The following SLCO3A1 variants were observed in gnomAD, a reference collection of about 807,000 sequenced individuals.
The protein encoded by SLCO3A1 is PGE1 transporter.
In SLCO3A1, 27 loss-of-function variants were observed where a neutral mutation model predicts 63.1. That is an observed-to-expected ratio of 0.43 (90% CI 0.32 to 0.59). The LOEUF (loss-of-function observed/expected upper bound fraction) is 0.59. Among genes scored for constraint, SLCO3A1 ranks in the 20% least tolerant of loss-of-function variants. The pLI is 0.09. For synonymous variants in SLCO3A1, 473 were observed against 409.9 expected (o/e 1.15, Z -1.86); for missense variants, 773 against 945.8 (o/e 0.82, Z 2.40).
intron 2 of SLCO3A1, among the ~76,000 whole-genome samples, chr15:92,078,548 G>C (rs935198613): frequency 2.6e-5 from 4 of 152,198 alleles, no homozygotes; most frequent in Non-Finnish European, 4.4e-5. Flanking sequence ...TCCGTCTACT[G>C]TCTGCCTCAC....
At chr15:91,880,801 A>C (rs7182534) in intron 1 of SLCO3A1, among the ~76,000 whole-genome samples, 25,510 of 152,080 alleles carry the variant, frequency 0.17, 5,387 homozygotes, top group African/African-American at 0.49. Context: ...ATTTAAACAG[A>C]AGTATCTGGG....
chr15:91,920,486 G>T (rs1898806882), intron 2 of SLCO3A1, among the ~76,000 whole-genome samples: 1 of 152,186 alleles, frequency 6.6e-6, no homozygotes, highest in South Asian at 2.1e-4. Context: ...AGAGAGGAAG[G>T]TGGTCCTAGC....
Position 91,992,789 on chromosome 15 carries a change from G to A in SLCO3A1, c.646+76331G>A, listed in dbSNP as rs114014316. ...ACCATTAGTGCTCTCCAGGAGCCAA[G>A]GGTCCCAACTCTGGTGAGTTAAGGC... On this transcript the variant is annotated intron_variant, in intron 2 of 9. Coordinates refer to ENST00000318445, the MANE Select transcript of SLCO3A1 (RefSeq NM_013272.4). 5.3e-3 allele frequency among the ~76,000 whole-genome samples: 813 copies of A among 152,284 alleles called. 7 individuals carry two copies. The highest frequency in any genetic ancestry group is 0.019 in the African/African-American group (775 of 41,542).
chr15:92,065,101 C>T (rs2047134198), intron 2 of SLCO3A1, among the ~76,000 whole-genome samples: 1 of 116,184 alleles, frequency 8.6e-6, no homozygotes, highest in South Asian at 3.0e-4. Context: ...TTTGTTTTTG[C>T]AGATAGAGTC....
At chr15:92,019,938 A>G (rs541344904) in intron 2 of SLCO3A1, among the ~76,000 whole-genome samples, 9 of 152,250 alleles carry the variant, frequency 5.9e-5, no homozygotes, top group African/African-American at 2.2e-4. Context: ...ATGTCAGGGC[A>G]GTGAGGACTG....
chr15:91,926,018 T>C (rs987306573), intron 2 of SLCO3A1, among the ~76,000 whole-genome samples: 3 of 152,190 alleles, frequency 2.0e-5, no homozygotes, highest in Non-Finnish European at 2.9e-5. Context: ...CATCTTTGAA[T>C]AGGGATAGAG....
rs1026736446 is a variant in SLCO3A1, at chr15:92,021,925, A to G, written c.647-72956A>G. Among the ~76,000 whole-genome samples, 3 of 152,144 alleles carry G rather than the reference A, an allele frequency of 2.0e-5. No homozygotes were observed. In the East Asian group the frequency reaches 5.8e-4, roughly 29 times the overall value. The stretch of plus-strand genomic sequence containing the variant: ...AATACAGTGGCAGCCCTGGTTTCAG[A>G]AAGCAAAGGCCAAAGCTGACTTGTG... On this transcript the variant is annotated intron_variant, in intron 2 of 9. Transcript: ENST00000318445.
chr15:92,119,499 G>A (rs1296112824), intron 4 of SLCO3A1, among the ~76,000 whole-genome samples: 2 of 152,166 alleles, frequency 1.3e-5, no homozygotes. Flanking sequence ...TAGACTGGGT[G>A]ATGAGAAGAG....
chr15:92,127,341 T>C (rs1480182916), intron 6 of SLCO3A1, among the ~76,000 whole-genome samples: 1 of 145,416 alleles, frequency 6.9e-6, no homozygotes, highest in Non-Finnish European at 1.5e-5. Context: ...TATTCTTCCA[T>C]GAAAAAGAAA....
Position 91,992,553 on chromosome 15 carries a change from G to A in SLCO3A1, c.646+76095G>A, listed in dbSNP as rs545454901. On this transcript the variant is annotated intron_variant, in intron 2 of 9. Transcript: ENST00000318445. The stretch of plus-strand genomic sequence containing the variant: ...TTCTAAACCATGTTAGCATCTCCCC[G>A]TAGTAAGATGTCAACCATCTGGCAT... Among the ~76,000 whole-genome samples the A allele has an allele frequency of 2.2e-3, 331 of 152,236 alleles. 1 individual carries two copies. Among genetic ancestry groups the A allele is most frequent in the Non-Finnish European group, 2.9e-3 (198 of 68,008 alleles).
At chr15:92,053,582 G>A (rs12440470) in intron 2 of SLCO3A1, among the ~76,000 whole-genome samples, 1 of 151,962 alleles carries the variant, frequency 6.6e-6, no homozygotes, top group Non-Finnish European at 1.5e-5. Context: ...GTGACAGCTC[G>A]TCAGACTTTT....
intron 9 of SLCO3A1, among the ~76,000 whole-genome samples, chr15:92,152,117 T>C (rs1295753031): frequency 6.6e-6 from 1 of 152,274 alleles, no homozygotes; most frequent in East Asian, 1.9e-4. Context: ...GAGTATCAGC[T>C]ATTATCTTTG....
chr15:92,096,440 G>A (rs1176075052), intron 3 of SLCO3A1, among the ~76,000 whole-genome samples: 2 of 152,224 alleles, frequency 1.3e-5, no homozygotes, highest in East Asian at 1.9e-4. Context: ...GACTTTAGGG[G>A]ACCGTCTGGG....
At chr15:91,937,277 G>A (rs1025973202) in intron 2 of SLCO3A1, among the ~76,000 whole-genome samples, 2 of 152,210 alleles carry the variant, frequency 1.3e-5, no homozygotes, top group Non-Finnish European at 2.9e-5. Flanking sequence ...TACCTAGGGG[G>A]CAGGTAGCAC....
chr15:92,051,438 G>A (rs950731096), intron 2 of SLCO3A1, among the ~76,000 whole-genome samples: 1 of 152,178 alleles, frequency 6.6e-6, no homozygotes, highest in Non-Finnish European at 1.5e-5. Flanking sequence ...GGAATCATCA[G>A]TGCACAGGGA....
intron 1 of SLCO3A1, among the ~76,000 whole-genome samples, chr15:91,913,195 A>C (rs984960112): frequency 6.6e-6 from 1 of 152,236 alleles, no homozygotes; most frequent in Non-Finnish European, 1.5e-5. Context: ...GTGATCTGCA[A>C]GCTGGCCTTG....
Position 91,948,932 on chromosome 15 carries a change from T to G in SLCO3A1, c.646+32474T>G, listed in dbSNP as rs1899903141. ...TTTAGGAATCAATACTTTGGTTTTT[T>G]TTTTTTTACTATTATTTCTGCTTAC... On this transcript the variant is annotated intron_variant, in intron 2 of 9. Transcript: ENST00000318445. The surrounding 1 kb of genome is among the most constrained non-coding windows in gnomAD (Gnocchi z 4.8). 6.6e-6 allele frequency among the ~76,000 whole-genome samples: 1 copy of G among 152,212 alleles called. No homozygotes were observed. Among genetic ancestry groups the G allele is most frequent in the Non-Finnish European group, 1.5e-5 (1 of 68,038 alleles).
intron 2 of SLCO3A1, among the ~76,000 whole-genome samples, chr15:92,091,854 A>G (rs2151534285): frequency 6.6e-6 from 1 of 152,318 alleles, no homozygotes; most frequent in Middle Eastern, 3.4e-3. Context: ...ATCTTTGTTC[A>G]GCTGAAACCC....
Position 92,003,510 on chromosome 15 carries a change from ATG to A in SLCO3A1, c.646+87054_646+87055del, listed in dbSNP as rs994839530. Among the ~76,000 whole-genome samples, 8 of 152,264 alleles carry A rather than the reference ATG, an allele frequency of 5.3e-5. No homozygotes were observed. The East Asian group carries it at 1.5e-3, about 29-fold the overall frequency. On this transcript the variant is annotated intron_variant, in intron 2 of 9. Coordinates refer to ENST00000318445, the MANE Select transcript of SLCO3A1 (RefSeq NM_013272.4). ...TCTGCCTCCCCCTTCCCATCAGAGG[ATG>A]TCTCATCAGTGGACATCTTGTTAGT...
Sources: allele counts gnomAD v4.1 joint callset (sites outside exome capture counted in the v4.1 genomes callset), GRCh38; gene constraint gnomAD v4.1.1; non-coding constraint Gnocchi (gnomAD v3.1); transcripts MANE v1.5; gene names NCBI Gene and HGNC (gene_info 2026-07-23, HGNC 2026-07-21).